AGTPBP1: variants seen among roughly 807,000 people sequenced by gnomAD.
AGTPBP1 encodes cytosolic carboxypeptidase 1.
A neutral mutation model predicts 143.9 loss-of-function variants in AGTPBP1; 70 were observed. The observed-to-expected ratio is 0.49, with a 90% confidence interval of 0.40 to 0.59. The LOEUF (loss-of-function observed/expected upper bound fraction) is 0.59, where lower values mean the gene tolerates loss of function less well. Ranked by LOEUF, AGTPBP1 falls within the 20% of genes least tolerant of loss-of-function variation. The pLI is 0.00. For missense variants in AGTPBP1, 1,229 were observed against 1,464.5 expected, an observed-to-expected ratio of 0.84 and a Z score of 2.62; for synonymous variants, 463 against 500.2, an observed-to-expected ratio of 0.93 and a Z score of 0.99.
chr9:85,595,580 G>A (rs904991686), intron 18 of AGTPBP1, among the ~76,000 whole-genome samples: 7 of 152,322 alleles, frequency 4.6e-5, no homozygotes, highest in Middle Eastern at 3.4e-3. Context: ...AGGCTGGAGT[G>A]CAGTGGTGCG....
At chr9:85,767,341 C>T in the AGTPBP1 span, among the ~76,000 whole-genome samples, 1 of 148,474 alleles carries the variant, frequency 6.7e-6, no homozygotes, top group South Asian at 2.1e-4. Context: ...ACTACCATGC[C>T]CAGCTAATTT....
rs77147402 is a variant in AGTPBP1, at chr9:85,693,767, A to G, written c.33-954T>C. ...TATATTTCAGGTGATGGGAAGTACT[A>G]TGGAGAAAAAGCACATTGGGGGAAT... On this transcript the variant is annotated intron_variant, in intron 2 of 25. Coordinates refer to ENST00000357081, the MANE Select transcript of AGTPBP1 (RefSeq NM_001330701.2). 9.8e-3 allele frequency among the ~76,000 whole-genome samples: 1,487 copies of G among 152,280 alleles called. 32 individuals carry two copies. The highest frequency in any genetic ancestry group is 0.033 in the African/African-American group (1,391 of 41,558).
chr9:85,661,191 C>G (rs558874593), intron 8 of AGTPBP1, among the ~76,000 whole-genome samples: 2 of 150,974 alleles, frequency 1.3e-5, no homozygotes, highest in Non-Finnish European at 3.0e-5. Flanking sequence ...TAGATAGGAA[C>G]AAAAAAAATG....
chr9:85,665,934 GC>G (rs1023431790), intron 8 of AGTPBP1, among the ~76,000 whole-genome samples: 1 of 152,060 alleles, frequency 6.6e-6, no homozygotes, highest in Admixed American at 6.6e-5. Flanking sequence ...ACACTTATAA[GC>G]CAGAGTAAAT....
intron 9 of AGTPBP1, among the ~76,000 whole-genome samples, chr9:85,659,493 A>G: frequency 6.6e-6 from 1 of 152,090 alleles, no homozygotes; most frequent in East Asian, 1.9e-4. Context: ...AAGTCATTCT[A>G]CTTGTCAGTT....
chr9:85,762,537 T>C, the AGTPBP1 span, among the ~76,000 whole-genome samples: 93,944 of 150,330 alleles, frequency 0.62, 29,881 homozygotes, highest in Middle Eastern at 0.72. Context: ...ATCCAAACAC[T>C]GCATGTTCTC....
intron 17 of AGTPBP1, among the ~76,000 whole-genome samples, chr9:85,606,859 T>A (rs1830019753): frequency 6.6e-6 from 1 of 151,904 alleles, no homozygotes; most frequent in Non-Finnish European, 1.5e-5. Context: ...GTTGATCTCA[T>A]GGAAGTAGAA....
At chr9:85,664,013 T>A (rs1481596725) in intron 8 of AGTPBP1, among the ~76,000 whole-genome samples, 1 of 152,052 alleles carries the variant, frequency 6.6e-6, no homozygotes, top group Admixed American at 6.6e-5. Context: ...CATAAGTGAA[T>A]CTATAAATAA....
chr9:85,559,287 A>C (rs778183813), intron 25 of AGTPBP1, among the ~76,000 whole-genome samples: 5 of 152,154 alleles, frequency 3.3e-5, no homozygotes, highest in Non-Finnish European at 7.4e-5. Flanking sequence ...TTTGGCAATT[A>C]CCAATAAATG....
intron 17 of AGTPBP1, among the ~76,000 whole-genome samples, chr9:85,616,953 T>C (rs999041736): frequency 6.6e-6 from 1 of 152,066 alleles, no homozygotes; most frequent in South Asian, 2.1e-4. Context: ...CACTTAAAAA[T>C]TAGTTACTTA....
intron 1 of AGTPBP1, among the ~76,000 whole-genome samples, chr9:85,718,625 T>C (rs1219038649): frequency 6.6e-6 from 1 of 152,238 alleles, no homozygotes; most frequent in Non-Finnish European, 1.5e-5. Flanking sequence ...AGGTTGCCTG[T>C]TCACTCTGAT....
chr9:85,764,559 C>G, the AGTPBP1 span: 1 of 512,776 alleles, frequency 2.0e-6, no homozygotes, highest in Non-Finnish European at 3.5e-6. Flanking sequence ...TGAATACCCC[C>G]TCCCTCAAAA....
chr9:85,627,203 C>T (rs1159005670), intron 14 of AGTPBP1, among the ~76,000 whole-genome samples: 8 of 152,084 alleles, frequency 5.3e-5, no homozygotes, highest in Admixed American at 4.6e-4. Context: ...CTAATCTTTG[C>T]TTTTAAAAAG....
chr9:85,658,920 C>T (rs1833693486), intron 9 of AGTPBP1, among the ~76,000 whole-genome samples: 1 of 152,086 alleles, frequency 6.6e-6, no homozygotes, highest in African/African-American at 2.4e-5. Flanking sequence ...AAGCTTCATA[C>T]ATTTTAAATG....
At chr9:85,685,534 C>T (rs1050402693) in intron 3 of AGTPBP1, among the ~76,000 whole-genome samples, 1 of 151,782 alleles carries the variant, frequency 6.6e-6, no homozygotes, top group South Asian at 2.1e-4. Flanking sequence ...AATTCTATAT[C>T]CAGTAAAAAT....
intron 14 of AGTPBP1, among the ~76,000 whole-genome samples, chr9:85,631,830 C>A (rs1189464865): frequency 1.3e-5 from 2 of 152,060 alleles, no homozygotes; most frequent in African/African-American, 4.8e-5. Context: ...ATCACCAAAA[C>A]CAGTCCAAAT....
chr9:85,658,977 T>C (rs1833697097), intron 9 of AGTPBP1, among the ~76,000 whole-genome samples: 5 of 152,216 alleles, frequency 3.3e-5, no homozygotes, highest in Admixed American at 3.3e-4. Context: ...TTTAGTTTAC[T>C]AGCTGTGAAT....
rs12345317 is a variant in AGTPBP1 at position 85,596,331 on chromosome 9, G to C, written c.2423+31C>G. On this transcript the variant is annotated intron_variant, in intron 18 of 25. Coordinates refer to ENST00000357081, the MANE Select transcript of AGTPBP1 (RefSeq NM_001330701.2). ...TACTTAATACTGCCTTCTGTAAGCTGACATTCTATTAATATTCTTAAAATA... is the reference window on the plus strand; with the variant it reads ...TACTTAATACTGCCTTCTGTAAGCTCACATTCTATTAATATTCTTAAAATA... 3.5e-3 allele frequency: 5,144 copies of C among 1,457,390 alleles called. 171 individuals carry two copies. The African/African-American group carries it at 0.065, about 18-fold the overall frequency. 90.3% of individuals were successfully genotyped at this position (1,457,390 alleles called of 1,614,324 possible). A position where few individuals can be genotyped will look rare whatever the true frequency, so the allele number is the denominator to read the frequency against.
At chr9:85,566,529 CAAAAA>C (rs72129899) in intron 25 of AGTPBP1, among the ~76,000 whole-genome samples, 1 of 78,546 alleles carries the variant, frequency 1.3e-5, no homozygotes, top group Admixed American at 1.5e-4. Context: ...GACCATGTCT[CAAAAA>C]AAAAAAAAAA....
Sources: allele counts gnomAD v4.1 joint callset (sites outside exome capture counted in the v4.1 genomes callset), GRCh38; gene constraint gnomAD v4.1.1; transcripts MANE v1.5; gene names NCBI Gene and HGNC (gene_info 2026-07-23, HGNC 2026-07-21).